Variants in CNTNAP2 observed in about 807,000 individuals in gnomAD.
CNTNAP2 encodes the protein contactin associated protein 2, also known as contactin-associated protein-like 2.
CNTNAP2 carries 98 observed loss-of-function variants against 155.2 expected under a neutral mutation model. That is an observed-to-expected ratio of 0.63 (90% CI 0.54 to 0.75). CNTNAP2 has a LOEUF of 0.75. CNTNAP2 is among the 30% of genes least tolerant of loss of function. The pLI is 0.00. For synonymous variants in CNTNAP2, 651 were observed against 631.2 expected, an observed-to-expected ratio of 1.03 and a Z score of -0.47; for missense variants, 1,727 against 1,688.1, an observed-to-expected ratio of 1.02 and a Z score of -0.40.
intron 21 of CNTNAP2, among the ~76,000 whole-genome samples, chr7:148,315,866 T>G (rs1389895844): frequency 6.6e-6 from 1 of 151,938 alleles, no homozygotes; most frequent in African/African-American, 2.4e-5. Context: ...CACCTATGGT[T>G]AAGACAAAAT....
intron 3 of CNTNAP2, among the ~76,000 whole-genome samples, chr7:147,000,735 T>G (rs760023885): frequency 1.3e-5 from 2 of 152,076 alleles, no homozygotes; most frequent in Non-Finnish European, 2.9e-5. Flanking sequence ...ATTAGTGCGG[T>G]GCTAGGGTGT....
At chr7:146,436,269 G>T (rs1451621209) in intron 1 of CNTNAP2, among the ~76,000 whole-genome samples, 1 of 152,106 alleles carries the variant, frequency 6.6e-6, no homozygotes, top group Non-Finnish European at 1.5e-5. Context: ...ACAAATAGAT[G>T]ATTTTTGACT....
At chr7:146,810,126 T>C (rs949447331) in intron 2 of CNTNAP2, among the ~76,000 whole-genome samples, 2 of 152,166 alleles carry the variant, frequency 1.3e-5, no homozygotes, top group Admixed American at 6.5e-5. Flanking sequence ...TTGTGTATTA[T>C]TAATGGCATT....
In CNTNAP2 at chr7:147,088,767, A is replaced by G. The variant is rs1004353984; in HGVS notation, c.551-19380A>G. Among the ~76,000 whole-genome samples, 3 of 151,782 alleles carry G rather than the reference A, an allele frequency of 2.0e-5. No homozygotes were observed. The East Asian group carries it at 5.9e-4, about 30-fold the overall frequency. On this transcript the variant is annotated intron_variant, in intron 4 of 23. Coordinates refer to ENST00000361727, the MANE Select transcript of CNTNAP2 (RefSeq NM_014141.6). ...CAAGATCAGCCTGCAACATAGAGAG[A>G]CCCCATCTCTACACAAAAATACAAA...
intron 10 of CNTNAP2, among the ~76,000 whole-genome samples, chr7:147,434,204 A>C (rs533241791): frequency 9.5e-4 from 144 of 152,282 alleles, no homozygotes; most frequent in African/African-American, 2.9e-3. Flanking sequence ...CTGTACCACA[A>C]TTGCTGAGAT....
At chr7:146,589,744 T>A (rs10233098) in intron 1 of CNTNAP2, among the ~76,000 whole-genome samples, 44,213 of 148,694 alleles carry the variant, frequency 0.3, 6,601 homozygotes, top group East Asian at 0.49. Flanking sequence ...ATGTAGAGTA[T>A]AAAAAAAAAA....
chr7:147,315,581 A>T (rs370616814), intron 9 of CNTNAP2, among the ~76,000 whole-genome samples: 107 of 148,202 alleles, frequency 7.2e-4, no homozygotes, highest in African/African-American at 2.5e-3. Flanking sequence ...TCCCGGGTTC[A>T]CGCCATTCTC....
In CNTNAP2 at chr7:147,198,232, C is replaced by CTTTTTTTTT. The variant is rs71525992; in HGVS notation, c.1348+65736_1348+65744dup. Among the ~76,000 whole-genome samples, 37 of 113,088 alleles carry CTTTTTTTTT rather than the reference C, an allele frequency of 3.3e-4. 1 individual carries two copies. Among genetic ancestry groups the CTTTTTTTTT allele is most frequent in the South Asian group, 6.3e-4 (2 of 3,182 alleles). 74.2% of individuals were successfully genotyped at this position (113,088 alleles called of 152,430 possible). On this transcript the variant is annotated intron_variant, in intron 8 of 23. Coordinates refer to ENST00000361727, the MANE Select transcript of CNTNAP2 (RefSeq NM_014141.6). ...GCCAGCATAGTTGGTTTCCAATATC[C>CTTTTTTTTT]TTTTTTTTTTTTTTTTTTTTTGAGA...
intron 11 of CNTNAP2, among the ~76,000 whole-genome samples, chr7:147,489,056 C>T (rs553089925): frequency 3.3e-5 from 5 of 152,310 alleles, no homozygotes; most frequent in Non-Finnish European, 5.9e-5. Flanking sequence ...AATTTAATGT[C>T]ACCATACATT....
chr7:147,265,256 A>T (rs1804580264), intron 8 of CNTNAP2, among the ~76,000 whole-genome samples: 1 of 152,184 alleles, frequency 6.6e-6, no homozygotes. Flanking sequence ...TGTTACACAG[A>T]TAAACGTGTG....
intron 15 of CNTNAP2, among the ~76,000 whole-genome samples, chr7:148,067,389 G>C (rs1301191087): frequency 6.6e-6 from 1 of 152,196 alleles, no homozygotes; most frequent in Admixed American, 6.5e-5. Context: ...TAGCCACCCA[G>C]TGGAGCTACT....
chr7:147,236,227 T>A (rs1803800295), intron 8 of CNTNAP2, among the ~76,000 whole-genome samples: 1 of 152,166 alleles, frequency 6.6e-6, no homozygotes, highest in East Asian at 1.9e-4. Flanking sequence ...ATCAAGCCAT[T>A]CTCACTTGAG....
chr7:146,929,684 A>T (rs992271008), intron 3 of CNTNAP2, among the ~76,000 whole-genome samples: 1 of 152,142 alleles, frequency 6.6e-6, no homozygotes, highest in African/African-American at 2.4e-5. Flanking sequence ...GAAGTTAAAA[A>T]CTTTGAAAAA....
At chr7:147,327,777 T>C (rs1795487267) in intron 9 of CNTNAP2, among the ~76,000 whole-genome samples, 1 of 152,144 alleles carries the variant, frequency 6.6e-6, no homozygotes. Context: ...CTTCCACAAG[T>C]TTTTCCTTAT....
At chr7:147,302,433 C>G (rs867866142) in intron 9 of CNTNAP2, among the ~76,000 whole-genome samples, 1 of 152,082 alleles carries the variant, frequency 6.6e-6, no homozygotes, top group Admixed American at 6.5e-5. Context: ...GTTTTTGAGC[C>G]CAGGAGTCAG....
At chr7:147,914,279 G>A (rs900017108) in intron 14 of CNTNAP2, among the ~76,000 whole-genome samples, 5 of 151,990 alleles carry the variant, frequency 3.3e-5, no homozygotes, top group African/African-American at 4.8e-5. Context: ...GGTGGCTCAC[G>A]CCTGTGATCC....
At chr7:147,515,608 A>T (rs1273780288) in intron 11 of CNTNAP2, among the ~76,000 whole-genome samples, 1 of 152,088 alleles carries the variant, frequency 6.6e-6, no homozygotes, top group Non-Finnish European at 1.5e-5. Flanking sequence ...GGCGTGAACC[A>T]CTGTATGCAG....
intron 3 of CNTNAP2, among the ~76,000 whole-genome samples, chr7:146,995,251 G>C (rs1348091540): frequency 6.6e-6 from 1 of 151,942 alleles, no homozygotes; most frequent in Non-Finnish European, 1.5e-5. Flanking sequence ...GTAACATTTA[G>C]GTTGATTCCA....
intron 15 of CNTNAP2, among the ~76,000 whole-genome samples, chr7:148,041,796 T>C (rs1294251632): frequency 6.6e-6 from 1 of 152,120 alleles, no homozygotes; most frequent in African/African-American, 2.4e-5. Flanking sequence ...AGCAACCCAC[T>C]TTCGACCTGG....
Sources: gnomAD v4.1 joint callset for allele counts (sites outside exome capture counted in the v4.1 genomes callset) on GRCh38, gnomAD v4.1.1 for gene constraint, MANE v1.5 for transcripts, NCBI Gene and HGNC (gene_info 2026-07-23, HGNC 2026-07-21) for gene names.